IMMP2L: variants seen among roughly 807,000 people sequenced by gnomAD.
IMMP2L encodes the protein mitochondrial inner membrane protease subunit 2.
IMMP2L carries 18 observed loss-of-function variants against 19.3 expected under a neutral mutation model. The ratio of observed to expected loss-of-function variants is 0.93; its 90% CI spans 0.64 to 1.38. The LOEUF (loss-of-function observed/expected upper bound fraction) is 1.38, where lower values mean the gene tolerates loss of function less well. Ranked by LOEUF, IMMP2L falls within the 40% of genes most tolerant of loss-of-function variation. The pLI, the probability that IMMP2L is intolerant of heterozygous loss-of-function variation, is 0.00. For missense variants in IMMP2L, 233 were observed against 218.2 expected (o/e 1.07, Z -0.43); for synonymous variants, 76 against 73.0 (o/e 1.04, Z -0.21).
chr7:111,479,775 T>A (rs575545190), intron 3 of IMMP2L, among the ~76,000 whole-genome samples: 2 of 152,276 alleles, frequency 1.3e-5, no homozygotes, highest in East Asian at 3.9e-4. Context: ...AAAACATTTA[T>A]AAACATAAGC....
intron 5 of IMMP2L, among the ~76,000 whole-genome samples, chr7:110,843,725 C>T (rs1378017468): frequency 6.6e-6 from 1 of 152,046 alleles, no homozygotes. Context: ...GACATGATAG[C>T]AGGAAAATGT....
At chr7:111,068,116 T>A (rs2129575073) in intron 3 of IMMP2L, among the ~76,000 whole-genome samples, 1 of 151,906 alleles carries the variant, frequency 6.6e-6, no homozygotes, top group South Asian at 2.1e-4. Context: ...TAAAGAAGAG[T>A]ATATGTATAT....
At chr7:111,242,460 T>G (rs1311389026) in intron 3 of IMMP2L, among the ~76,000 whole-genome samples, 2 of 152,062 alleles carry the variant, frequency 1.3e-5, no homozygotes, top group Non-Finnish European at 2.9e-5. Flanking sequence ...TCACAACACT[T>G]CACGATCCAG....
chr7:111,208,755 T>C (rs1210231485), intron 3 of IMMP2L, among the ~76,000 whole-genome samples: 1 of 152,140 alleles, frequency 6.6e-6, no homozygotes, highest in Non-Finnish European at 1.5e-5. Context: ...TGCAATCCTT[T>C]GGGTCTTTAT....
At chr7:110,700,584 A>G (rs1794212564) in intron 5 of IMMP2L, among the ~76,000 whole-genome samples, 1 of 152,164 alleles carries the variant, frequency 6.6e-6, no homozygotes, top group Non-Finnish European at 1.5e-5. Flanking sequence ...ATTCCCCAAA[A>G]TATTTCCCCA....
chr7:110,972,304 GT>G (rs1332598554), intron 3 of IMMP2L, among the ~76,000 whole-genome samples: 1 of 151,922 alleles, frequency 6.6e-6, no homozygotes, highest in Non-Finnish European at 1.5e-5. Flanking sequence ...TTATCAGAAA[GT>G]TTTTCTATAT....
At chr7:110,875,515 T>C (rs1036300697) in intron 5 of IMMP2L, among the ~76,000 whole-genome samples, 2 of 152,152 alleles carry the variant, frequency 1.3e-5, no homozygotes, top group East Asian at 3.9e-4. Context: ...CTTGTAGAAA[T>C]GACATAATTT....
intron 3 of IMMP2L, among the ~76,000 whole-genome samples, chr7:111,180,121 A>G (rs1485634066): frequency 6.6e-6 from 1 of 152,106 alleles, no homozygotes; most frequent in East Asian, 1.9e-4. Flanking sequence ...TCACCAGAGT[A>G]GCACTTTTAA....
At chr7:110,667,517 G>A (rs1356356876) in intron 5 of IMMP2L, among the ~76,000 whole-genome samples, 3 of 152,172 alleles carry the variant, frequency 2.0e-5, no homozygotes, top group Non-Finnish European at 4.4e-5. Flanking sequence ...GGGCCTGAAT[G>A]TAATCACAAG....
At chr7:110,884,993 A>G (rs1810065690) in intron 5 of IMMP2L, among the ~76,000 whole-genome samples, 1 of 152,026 alleles carries the variant, frequency 6.6e-6, no homozygotes, top group African/African-American at 2.4e-5. Flanking sequence ...TGACAGCAGG[A>G]GTGTGCCCTC....
chr7:111,131,235 G>T (rs896539542), intron 3 of IMMP2L, among the ~76,000 whole-genome samples: 4 of 151,554 alleles, frequency 2.6e-5, no homozygotes, highest in African/African-American at 9.7e-5. Flanking sequence ...AAAAAAAAAT[G>T]AACCACAACA....
chr7:111,271,730 T>G (rs556880879), intron 3 of IMMP2L, among the ~76,000 whole-genome samples: 1 of 152,286 alleles, frequency 6.6e-6, no homozygotes, highest in South Asian at 2.1e-4. Context: ...AGGATCAGGC[T>G]TATCTATCCA....
Position 111,207,502 on chromosome 7 carries a change from G to T in IMMP2L, c.240-243937C>A, listed in dbSNP as rs185513564. On this transcript the variant is annotated intron_variant, in intron 3 of 5. Transcript: ENST00000405709. Reference sequence around the variant, plus strand: ...TAATTCCTAGCAAAGATAGAGGCTTGCTTTCTTTCTTTCTTTTTCGTTTTA... The same window carrying T: ...TAATTCCTAGCAAAGATAGAGGCTTTCTTTCTTTCTTTCTTTTTCGTTTTA... Among the ~76,000 whole-genome samples the T allele has an allele frequency of 2.1e-3, 304 of 143,016 alleles. 1 individual carries two copies. Among genetic ancestry groups the T allele is most frequent in the African/African-American group, 7.3e-3 (283 of 38,788 alleles). The allele number at this position is 143,016 out of a possible 152,430, so 93.8% of individuals were successfully genotyped here.
chr7:110,823,316 T>C (rs1424737831), intron 5 of IMMP2L, among the ~76,000 whole-genome samples: 1 of 152,012 alleles, frequency 6.6e-6, no homozygotes, highest in African/African-American at 2.4e-5. Flanking sequence ...TATAAAAATA[T>C]AGTTGCATAT....
intron 2 of IMMP2L, among the ~76,000 whole-genome samples, chr7:111,517,499 A>C (rs1300645385): frequency 6.6e-6 from 1 of 152,044 alleles, no homozygotes; most frequent in African/African-American, 2.4e-5. Flanking sequence ...TTACTTTTTA[A>C]AGTCTTAAAT....
At chr7:110,988,688 A>G (rs558922710) in intron 3 of IMMP2L, among the ~76,000 whole-genome samples, 2 of 152,328 alleles carry the variant, frequency 1.3e-5, no homozygotes, top group Admixed American at 6.5e-5. Flanking sequence ...TAAAAAATAA[A>G]AGGAACTATT....
intron 1 of IMMP2L, among the ~76,000 whole-genome samples, chr7:111,558,901 A>T (rs937719713): frequency 3.9e-5 from 6 of 152,198 alleles, no homozygotes; most frequent in Non-Finnish European, 5.9e-5. Flanking sequence ...ATGGGTTCTT[A>T]AGTAAGGCTT....
At chr7:110,844,039 C>A (rs1317570688) in intron 5 of IMMP2L, among the ~76,000 whole-genome samples, 1 of 152,080 alleles carries the variant, frequency 6.6e-6, no homozygotes, top group African/African-American at 2.4e-5. Context: ...TGGATTCGAG[C>A]AGAAGAGTGA....
chr7:111,284,810 AC>A lies in IMMP2L; in HGVS notation c.239+202427del, dbSNP rs1390672157. Among the ~76,000 whole-genome samples the A allele has an allele frequency of 1.3e-4, 20 of 152,306 alleles. No individual in the cohort carries two copies. The East Asian group carries it at 3.9e-3, about 29-fold the overall frequency. ...CAAGGGGTTTTTGGAATACTACAAAACTATCCATCTTTATGGTGGACAAAAA... is the reference window on the plus strand; with the variant it reads ...CAAGGGGTTTTTGGAATACTACAAAATATCCATCTTTATGGTGGACAAAAA... On this transcript the variant is annotated intron_variant, in intron 3 of 5. Coordinates refer to ENST00000405709, the MANE Select transcript of IMMP2L (RefSeq NM_032549.4).
Sources: allele counts gnomAD v4.1 joint callset (sites outside exome capture counted in the v4.1 genomes callset), GRCh38; gene constraint gnomAD v4.1.1; transcripts MANE v1.5; gene names NCBI Gene and HGNC (gene_info 2026-07-23, HGNC 2026-07-21).